Variants in RTCA observed in about 807,000 individuals in gnomAD.
RTCA encodes RNA 3'-terminal phosphate cyclase.
A neutral mutation model predicts 46.1 loss-of-function variants in RTCA; 37 were observed. The ratio of observed to expected loss-of-function variants is 0.80; its 90% CI spans 0.62 to 1.06. RTCA has a LOEUF of 1.06. RTCA is among the 50% of genes least tolerant of loss of function. The pLI is 0.00. For synonymous variants in RTCA, 164 were observed against 158.3 expected (o/e 1.04, Z -0.27); for missense variants, 435 against 455.5 (o/e 0.95, Z 0.41).
chr1:100,283,482 A>T, intron 8 of RTCA, among the ~76,000 whole-genome samples: 1 of 152,164 alleles, frequency 6.6e-6, no homozygotes, highest in Admixed American at 6.5e-5. Flanking sequence ...AAAATTTTTT[A>T]AAAATCCAAA....
At chr1:100,267,441 C>A in intron 2 of RTCA, 1 of 1,425,872 alleles carries the variant, frequency 7.0e-7, no homozygotes, top group South Asian at 1.5e-5. Flanking sequence ...CTAGGGCTGC[C>A]ATAACAAAAT....
chr1:100,266,953 G>T, intron 2 of RTCA: 1 of 352,986 alleles, frequency 2.8e-6, no homozygotes, highest in African/African-American at 2.0e-5. Flanking sequence ...AGATAGATAG[G>T]GCAGAAATGC....
At chr1:100,266,784 G>C (rs989485402) in intron 2 of RTCA, 160 bp downstream of exon 2, 2 of 616,912 alleles carry the variant, frequency 3.2e-6, no homozygotes, top group Non-Finnish European at 5.7e-6. Context: ...CGGTGGCCTG[G>C]GTTGTAAAGT....
At chr1:100,276,206 T>C (rs1189280914) in intron 7 of RTCA, among the ~76,000 whole-genome samples, 1 of 152,156 alleles carries the variant, frequency 6.6e-6, no homozygotes, top group African/African-American at 2.4e-5. Flanking sequence ...ATTCTGAATT[T>C]TTTCTGAGGA....
At chr1:100,267,622 C>G (rs1665859742) in intron 2 of RTCA, 2 of 1,385,972 alleles carry the variant, frequency 1.4e-6, no homozygotes, top group African/African-American at 2.9e-5. Context: ...CCTCTGTGTA[C>G]CTTGCCCCTA....
At chr1:100,280,615 A>C (rs1208148997) in intron 8 of RTCA, among the ~76,000 whole-genome samples, 1 of 152,192 alleles carries the variant, frequency 6.6e-6, no homozygotes, top group Non-Finnish European at 1.5e-5. Context: ...TTCTCAATCC[A>C]GCTTGTCTAT....
intron 2 of RTCA, chr1:100,267,507 G>T (rs1346353312): frequency 1.3e-6 from 2 of 1,545,022 alleles, no homozygotes; most frequent in Non-Finnish European, 1.8e-6. Context: ...CAGTTCTGGA[G>T]GCTGGAAGTC....
chr1:100,291,121 C>T (rs974173686), intron 10 of RTCA, among the ~76,000 whole-genome samples: 1 of 152,178 alleles, frequency 6.6e-6, no homozygotes, highest in Non-Finnish European at 1.5e-5. Context: ...AGCTGTACAT[C>T]TGAGCTTTCT....
intron 10 of RTCA, among the ~76,000 whole-genome samples, chr1:100,287,609 T>C (rs1041097116): frequency 6.6e-6 from 1 of 152,182 alleles, no homozygotes; most frequent in Non-Finnish European, 1.5e-5. Context: ...GGATTCATAG[T>C]TGGCTATAAA....
intron 4 of RTCA, 39 bp downstream of exon 4, chr1:100,270,719 T>C (rs1396500661): frequency 1.2e-6 from 2 of 1,604,636 alleles, no homozygotes; most frequent in African/African-American, 1.3e-5. Flanking sequence ...GATGATCTCA[T>C]ACATGCTTCT....
At chr1:100,273,745 C>T (rs1014117109) in intron 5 of RTCA, among the ~76,000 whole-genome samples, 56 of 152,334 alleles carry the variant, frequency 3.7e-4, no homozygotes, top group African/African-American at 1.3e-3. Context: ...TAAGTGCTCA[C>T]TGTGTGTAGA....
chr1:100,289,587 T>C (rs1667241795), intron 10 of RTCA, among the ~76,000 whole-genome samples: 1 of 152,242 alleles, frequency 6.6e-6, no homozygotes, highest in Non-Finnish European at 1.5e-5. Context: ...ACTCTACTTA[T>C]GCTGTATTTA....
intron 7 of RTCA, 52 bp downstream of exon 7, chr1:100,275,775 CTAATT>C: frequency 4.1e-6 from 6 of 1,450,180 alleles, no homozygotes; most frequent in Non-Finnish European, 5.6e-6. Flanking sequence ...AAATAGTTAT[CTAATT>C]AAATTAAAGA....
intron 7 of RTCA, among the ~76,000 whole-genome samples, chr1:100,276,805 C>T (rs1188235552): frequency 2.0e-5 from 3 of 152,148 alleles, no homozygotes; most frequent in African/African-American, 7.2e-5. Flanking sequence ...GTTCCAAATC[C>T]TCTCATTCAG....
intron 8 of RTCA, among the ~76,000 whole-genome samples, chr1:100,283,761 G>T (rs1326456464): frequency 6.6e-6 from 1 of 150,964 alleles, no homozygotes; most frequent in Non-Finnish European, 1.5e-5. Context: ...ATATAAAGAG[G>T]GTAATTTATT....
chr1:100,273,395 T>G lies in RTCA; in HGVS notation c.416T>G (p.Val139Gly). The G allele has an allele frequency of 3.2e-6, 5 of 1,573,358 alleles. No individual in the cohort carries two copies. Among genetic ancestry groups the G allele is most frequent in the Non-Finnish European group, 4.3e-6 (5 of 1,154,204 alleles). Residue 139 changes from valine to glycine, a missense_variant and splice_region_variant, in exon 5 of 11, where the codon GTC becomes GGC. Val to Gly is a moderately radical substitution (Grantham distance 109). Coordinates refer to ENST00000370128, the MANE Select transcript of RTCA (RefSeq NM_003729.4). ...AATGATAAAAACTGATTTTTTCAGGTCTTCAAGCCAATTGTTGAAAAATTT... is the reference window on the plus strand; with the variant it reads ...AATGATAAAAACTGATTTTTTCAGGGCTTCAAGCCAATTGTTGAAAAATTT... ...MAPQIDYTVM[V>G]FKPIVEKFGF...
At position 100,275,682 on chromosome 1, in the gene RTCA, A is replaced by G. The variant is rs923153221; in HGVS notation, c.699A>G (p.Gln233=). The stretch of plus-strand genomic sequence containing the variant: ...TGTATGTTAACATCCAGCCTGTTCA[A>G]GAACCTAAAGACCAAGCATTTGGCA... ...RDLYVNIQPV[Q]EPKDQAFGNG... The change falls in exon 7 of 11, where the codon CAA becomes CAG. Residue 233 remains glutamine, a synonymous_variant. Transcript: ENST00000370128. 4.3e-6 allele frequency: 7 copies of G among 1,612,424 alleles called. No homozygotes were observed. Among genetic ancestry groups the G allele is most frequent in the South Asian group, 1.1e-5 (1 of 90,710 alleles).
chr1:100,277,463 C>G, intron 8 of RTCA, 147 bp downstream of exon 8: 3 of 754,144 alleles, frequency 4.0e-6, no homozygotes, highest in Non-Finnish European at 6.2e-6. Context: ...CACTTTCAGA[C>G]TTTCAGTCTT....
chr1:100,271,297 TA>T (rs997899800), intron 4 of RTCA, among the ~76,000 whole-genome samples: 23 of 151,578 alleles, frequency 1.5e-4, no homozygotes, highest in Non-Finnish European at 3.4e-4. Context: ...ATAATATAAA[TA>T]AAAAACAAAA....
Sources: gnomAD v4.1 joint callset for allele counts (sites outside exome capture counted in the v4.1 genomes callset) on GRCh38, gnomAD v4.1.1 for gene constraint, MANE v1.5 for transcripts, NCBI Gene and HGNC (gene_info 2026-07-23, HGNC 2026-07-21) for gene names.